Variants in DENND4A observed in about 807,000 individuals in gnomAD.
DENND4A encodes C-myc promoter-binding protein.
A neutral mutation model predicts 199.3 loss-of-function variants in DENND4A; 70 were observed. The observed-to-expected ratio is 0.35, with a 90% CI of 0.29 to 0.43. The LOEUF (loss-of-function observed/expected upper bound fraction) is 0.43. DENND4A is among the 20% of genes least tolerant of loss of function. The probability of loss-of-function intolerance (pLI) is 1.00; values close to 1 mark genes in which losing one functional copy is unlikely to be tolerated. For missense variants in DENND4A, 1,723 were observed against 2,255.8 expected (o/e 0.76, Z 4.78); for synonymous variants, 686 against 766.9 (o/e 0.89, Z 1.74).
At chr15:65,720,983 T>TATATATATATATATATATATATA (rs1188560736) in intron 12 of DENND4A, among the ~76,000 whole-genome samples, 6 of 51,858 alleles carry the variant, frequency 1.2e-4, no homozygotes, top group Middle Eastern at 0.014. Flanking sequence ...ATATATATAT[T>TATATATATATATATATATATATA]TGTACTTTTT....
At chr15:65,760,279 T>C (rs899809479) in intron 2 of DENND4A, among the ~76,000 whole-genome samples, 2 of 152,002 alleles carry the variant, frequency 1.3e-5, no homozygotes, top group African/African-American at 2.4e-5. Context: ...GGCAGATCAC[T>C]TGAGGTTAGG....
intron 1 of DENND4A, among the ~76,000 whole-genome samples, chr15:65,770,570 T>C (rs1464301140): frequency 6.6e-6 from 1 of 152,208 alleles, no homozygotes; most frequent in African/African-American, 2.4e-5. Context: ...TCAATATATA[T>C]TTTGGAATAT....
At chr15:65,674,848 T>C (rs2076325238) in intron 24 of DENND4A, among the ~76,000 whole-genome samples, 1 of 152,196 alleles carries the variant, frequency 6.6e-6, no homozygotes, top group African/African-American at 2.4e-5. Context: ...AATTATACAT[T>C]GTCTGAGATT....
chr15:65,776,059 TC>T (rs2077275927), intron 1 of DENND4A, among the ~76,000 whole-genome samples: 1 of 152,198 alleles, frequency 6.6e-6, no homozygotes, highest in Non-Finnish European at 1.5e-5. Flanking sequence ...TTTGTATGCT[TC>T]TAGAGTATCT....
At chr15:65,774,809 TA>T (rs1265826296) in intron 1 of DENND4A, among the ~76,000 whole-genome samples, 23 of 148,120 alleles carry the variant, frequency 1.6e-4, no homozygotes, top group Non-Finnish European at 2.4e-4. Flanking sequence ...TACAATGTAT[TA>T]TTTTTGCTTT....
chr15:65,784,230 G>C (rs2572211), intron 1 of DENND4A, among the ~76,000 whole-genome samples: 30,971 of 152,062 alleles, frequency 0.2, 4,221 homozygotes, highest in East Asian at 0.74. Context: ...AGGAAAGTCT[G>C]AAATGCCATC....
intron 23 of DENND4A, among the ~76,000 whole-genome samples, chr15:65,679,260 C>T (rs901545116): frequency 2.0e-5 from 3 of 151,792 alleles, no homozygotes; most frequent in African/African-American, 7.3e-5. Flanking sequence ...TGCCACCACG[C>T]CCAGCTAATT....
intron 14 of DENND4A, among the ~76,000 whole-genome samples, chr15:65,709,208 A>C (rs1217256458): frequency 6.6e-6 from 1 of 152,242 alleles, no homozygotes; most frequent in South Asian, 2.1e-4. Context: ...CACAAAAATT[A>C]TTCTTTTTAA....
At chr15:65,685,423 C>A (rs1344821043) in intron 23 of DENND4A, among the ~76,000 whole-genome samples, 1 of 152,312 alleles carries the variant, frequency 6.6e-6, no homozygotes, top group Non-Finnish European at 1.5e-5. Flanking sequence ...ACCGCCAGCC[C>A]ACAATTTTTA....
intron 1 of DENND4A, among the ~76,000 whole-genome samples, chr15:65,777,076 G>C (rs1053484257): frequency 1.3e-5 from 2 of 152,172 alleles, no homozygotes; most frequent in East Asian, 3.9e-4. Context: ...GCTGAGGCAG[G>C]AGAATCACTT....
intron 1 of DENND4A, among the ~76,000 whole-genome samples, chr15:65,769,210 C>CAT (rs1327549374): frequency 5.9e-4 from 90 of 151,698 alleles, no homozygotes; most frequent in Middle Eastern, 3.4e-3. Flanking sequence ...CACACACACA[C>CAT]ACACACACAC....
At chr15:65,747,468 C>A (rs2076432011) in intron 4 of DENND4A, among the ~76,000 whole-genome samples, 1 of 152,100 alleles carries the variant, frequency 6.6e-6, no homozygotes, top group Admixed American at 6.5e-5. Flanking sequence ...GCTACTTGTC[C>A]CAGGTCACAC....
intron 2 of DENND4A, among the ~76,000 whole-genome samples, chr15:65,757,430 A>G (rs1596621738): frequency 6.6e-6 from 1 of 152,180 alleles, no homozygotes; most frequent in African/African-American, 2.4e-5. Context: ...TAAGCACTTC[A>G]GACCACATAG....
chr15:65,715,679 G>A (rs1403476668), intron 13 of DENND4A, 56 bp from the exon 14 acceptor site: 1 of 1,459,904 alleles, frequency 6.8e-7, no homozygotes, highest in Non-Finnish European at 9.1e-7. Context: ...TAGATTCACA[G>A]AATATTTGCA....
At chr15:65,767,154 C>A (rs974734604) in intron 1 of DENND4A, 1 of 152,024 alleles carries the variant, frequency 6.6e-6, no homozygotes, top group African/African-American at 2.4e-5. Context: ...GAGGTCAGCA[C>A]AGTAGAAAAA....
intron 10 of DENND4A, 61 bp downstream of exon 10, chr15:65,729,473 G>C: frequency 6.5e-7 from 1 of 1,527,592 alleles, no homozygotes; most frequent in Non-Finnish European, 8.8e-7. Flanking sequence ...ATGGCTTTAA[G>C]TTATATAAAT....
At chr15:65,671,743 G>T in intron 25 of DENND4A, 49 bp downstream of exon 25, 3 of 1,226,562 alleles carry the variant, frequency 2.4e-6, no homozygotes, top group Non-Finnish European at 3.6e-6. Flanking sequence ...TAAGAAATGT[G>T]CATTTTATAA....
intron 3 of DENND4A, among the ~76,000 whole-genome samples, chr15:65,754,091 T>C (rs12594061): frequency 0.54 from 81,795 of 151,734 alleles, 23,903 homozygotes; most frequent in East Asian, 0.81. Context: ...ACCTAGGCCT[T>C]CCAAAGTGCC....
intron 8 of DENND4A, among the ~76,000 whole-genome samples, chr15:65,732,367 CAATAT>C (rs1296466815): frequency 6.6e-6 from 1 of 151,958 alleles, no homozygotes; most frequent in Non-Finnish European, 1.5e-5. Context: ...TTATCTGTAT[CAATAT>C]AATAATGTAA....
Sources: gnomAD v4.1 joint callset for allele counts (sites outside exome capture counted in the v4.1 genomes callset) on GRCh38, gnomAD v4.1.1 for gene constraint, MANE v1.5 for transcripts, NCBI Gene and HGNC (gene_info 2026-07-23, HGNC 2026-07-21) for gene names.